The following BMP6 variants were observed in gnomAD, a reference collection of about 807,000 sequenced individuals.
The protein encoded by BMP6 is bone morphogenetic protein 6, also known as VG-1-R.
A neutral mutation model predicts 54.1 loss-of-function variants in BMP6; 17 were observed. The observed-to-expected ratio is 0.31, with a 90% CI of 0.22 to 0.47. BMP6 has a LOEUF of 0.47. Ranked by LOEUF, BMP6 falls within the 20% of genes least tolerant of loss-of-function variation. The probability of loss-of-function intolerance (pLI) is 1.00; values close to 1 mark genes in which losing one functional copy is unlikely to be tolerated. For missense variants in BMP6, 720 were observed against 690.4 expected (o/e 1.04, Z -0.48); for synonymous variants, 328 against 291.2 (o/e 1.13, Z -1.28).
chr6:7,838,356 C>G (rs934847735), intron 1 of BMP6, among the ~76,000 whole-genome samples: 1 of 152,078 alleles, frequency 6.6e-6, no homozygotes, highest in African/African-American at 2.4e-5. Flanking sequence ...TGGAAGGTAT[C>G]CCCCTCGGAT....
chr6:7,809,483 C>G (rs1758404381), intron 1 of BMP6, among the ~76,000 whole-genome samples: 1 of 152,134 alleles, frequency 6.6e-6, no homozygotes, highest in Admixed American at 6.5e-5. Flanking sequence ...GTAGCATGAG[C>G]AACAGGATTT....
chr6:7,870,649 A>C, intron 4 of BMP6, among the ~76,000 whole-genome samples: 1 of 152,124 alleles, frequency 6.6e-6, no homozygotes. Context: ...CAACAAAAAA[A>C]AACGGGTCTC....
At chr6:7,779,949 C>T (rs1757918820) in intron 1 of BMP6, among the ~76,000 whole-genome samples, 1 of 152,008 alleles carries the variant, frequency 6.6e-6, no homozygotes, top group African/African-American at 2.4e-5. Context: ...GGCTTTCTTC[C>T]CTGAAACCAC....
chr6:7,736,358 A>G (rs1321381956), intron 1 of BMP6, among the ~76,000 whole-genome samples: 1 of 152,222 alleles, frequency 6.6e-6, no homozygotes, highest in Non-Finnish European at 1.5e-5. Flanking sequence ...CTTGTGAATT[A>G]TTAAAATTTG....
intron 1 of BMP6, among the ~76,000 whole-genome samples, chr6:7,831,024 C>A (rs943398551): frequency 6.6e-6 from 1 of 152,160 alleles, no homozygotes; most frequent in African/African-American, 2.4e-5. Flanking sequence ...GCACTATTCA[C>A]AATAGCCAAA....
In BMP6 at chr6:7,880,467, G is replaced by A. The variant is rs1759699237; in HGVS notation, c.*124G>A. 7.7e-7 allele frequency: 1 copy of A among 1,301,008 alleles called. No individual in the cohort carries two copies. The highest frequency in any genetic ancestry group is 2.1e-5 in the Admixed American group (1 of 47,960). 80.6% of individuals were successfully genotyped at this position (1,301,008 alleles called of 1,614,324 possible). A position where few individuals can be genotyped will look rare whatever the true frequency, so the allele number is the denominator to read the frequency against. The stretch of plus-strand genomic sequence containing the variant: ...GACTTTGAAACTATCTCATGCCAGT[G>A]CCTTATTACCCAGGAAGATTTTAAA... On this transcript the variant is annotated 3_prime_UTR_variant, in exon 7 of 7. Coordinates refer to ENST00000283147, the MANE Select transcript of BMP6 (RefSeq NM_001718.6).
At chr6:7,873,487 C>T (rs1759562216) in intron 4 of BMP6, among the ~76,000 whole-genome samples, 1 of 152,140 alleles carries the variant, frequency 6.6e-6, no homozygotes, top group Non-Finnish European at 1.5e-5. Flanking sequence ...CTGGAAGCTC[C>T]ACTGAGCCTC....
At chr6:7,858,667 G>T (rs753750686) in intron 2 of BMP6, among the ~76,000 whole-genome samples, 3 of 151,734 alleles carry the variant, frequency 2.0e-5, no homozygotes, top group Non-Finnish European at 4.4e-5. Flanking sequence ...AGATGACATA[G>T]GTCCTGCCTT....
intron 1 of BMP6, among the ~76,000 whole-genome samples, chr6:7,819,187 T>C (rs1448159663): frequency 1.3e-5 from 2 of 152,156 alleles, no homozygotes; most frequent in African/African-American, 4.8e-5. Context: ...CCAGATCATG[T>C]GAGGCTTTAT....
chr6:7,770,186 T>C (rs1183545336), intron 1 of BMP6, among the ~76,000 whole-genome samples: 2 of 152,248 alleles, frequency 1.3e-5, no homozygotes, highest in Non-Finnish European at 2.9e-5. Flanking sequence ...TGGAGCATTT[T>C]AAATGATACA....
chr6:7,758,511 A>G (rs1010733849), intron 1 of BMP6, among the ~76,000 whole-genome samples: 1 of 152,196 alleles, frequency 6.6e-6, no homozygotes, highest in Non-Finnish European at 1.5e-5. Flanking sequence ...CCATACCAAC[A>G]ACTACGGTTT....
chr6:7,787,396 G>A (rs747838803), intron 1 of BMP6, among the ~76,000 whole-genome samples: 20 of 152,200 alleles, frequency 1.3e-4, no homozygotes, highest in Non-Finnish European at 2.5e-4. Flanking sequence ...AATCCTTAAA[G>A]GCGTGTTTGG....
intron 1 of BMP6, among the ~76,000 whole-genome samples, chr6:7,753,892 T>G (rs191911841): frequency 3.0e-4 from 46 of 152,328 alleles, no homozygotes; most frequent in Admixed American, 1.3e-3. Context: ...TTTCGAAATA[T>G]TTGGGGATTT....
At chr6:7,839,232 A>G (rs1333673366) in intron 1 of BMP6, among the ~76,000 whole-genome samples, 2 of 152,184 alleles carry the variant, frequency 1.3e-5, no homozygotes, top group Non-Finnish European at 2.9e-5. Flanking sequence ...TGGTGTAATC[A>G]TAGCTCATTG....
chr6:7,732,325 C>T (rs1761876510), intron 1 of BMP6, among the ~76,000 whole-genome samples: 2 of 152,048 alleles, frequency 1.3e-5, no homozygotes, highest in Admixed American at 6.6e-5. Context: ...AGTGGCATTT[C>T]AACAAAAAAA....
At chr6:7,814,771 G>GA (rs1305913844) in intron 1 of BMP6, among the ~76,000 whole-genome samples, 1 of 152,046 alleles carries the variant, frequency 6.6e-6, no homozygotes, top group Non-Finnish European at 1.5e-5. Context: ...CTATTTAAAT[G>GA]AAAACACATG....
chr6:7,799,742 A>T (rs978085771), intron 1 of BMP6, among the ~76,000 whole-genome samples: 17 of 146,402 alleles, frequency 1.2e-4, no homozygotes, highest in African/African-American at 1.7e-4. Context: ...ACTGATTATA[A>T]AAAAAAAAAA....
At chr6:7,848,999 C>T (rs1029608403) in intron 2 of BMP6, among the ~76,000 whole-genome samples, 7 of 152,280 alleles carry the variant, frequency 4.6e-5, no homozygotes, top group African/African-American at 1.7e-4. Flanking sequence ...AAGTATGGCA[C>T]ATACGAATTT....
At chr6:7,813,109 ATATATAT>A (rs1398083856) in intron 1 of BMP6, among the ~76,000 whole-genome samples, 63 of 15,746 alleles carry the variant, frequency 4.0e-3, no homozygotes, top group Non-Finnish European at 5.6e-3. Flanking sequence ...AAAAAAAAAA[ATATATAT>A]ATATATATAT....
Sources: allele counts gnomAD v4.1 joint callset (sites outside exome capture counted in the v4.1 genomes callset), GRCh38; gene constraint gnomAD v4.1.1; transcripts MANE v1.5; gene names NCBI Gene and HGNC (gene_info 2026-07-23, HGNC 2026-07-21).